Variants in MAGI3 observed in about 807,000 individuals in gnomAD.
The protein encoded by MAGI3 is membrane associated guanylate kinase, WW and PDZ domain containing 3.
In MAGI3, 43 loss-of-function variants were observed where a neutral mutation model predicts 121.8. The ratio of observed to expected loss-of-function variants is 0.35; its 90% confidence interval spans 0.28 to 0.46. The LOEUF (loss-of-function observed/expected upper bound fraction) is 0.46. MAGI3 is among the 20% of genes least tolerant of loss of function. The pLI, the probability that MAGI3 is intolerant of heterozygous loss-of-function variation, is 1.00. For synonymous variants in MAGI3, 553 were observed against 639.3 expected (o/e 0.86, Z 2.04); for missense variants, 1,547 against 1,797.3 (o/e 0.86, Z 2.52).
intron 1 of MAGI3, among the ~76,000 whole-genome samples, chr1:113,435,310 A>G (rs901315337): frequency 6.6e-6 from 1 of 152,092 alleles, no homozygotes; most frequent in Non-Finnish European, 1.5e-5. Flanking sequence ...TTTTTGACTG[A>G]CTTTTAAATG....
intron 1 of MAGI3, among the ~76,000 whole-genome samples, chr1:113,509,225 A>G (rs1448947811): frequency 6.6e-6 from 1 of 152,116 alleles, no homozygotes; most frequent in Non-Finnish European, 1.5e-5. Context: ...GTTTAAAAAA[A>G]CCCCACTAAC....
At chr1:113,434,580 C>G (rs1031078235) in intron 1 of MAGI3, among the ~76,000 whole-genome samples, 2 of 152,170 alleles carry the variant, frequency 1.3e-5, no homozygotes, top group African/African-American at 2.4e-5. Flanking sequence ...TACAGCTGCT[C>G]TCTTTATTGA....
chr1:113,432,062 A>G (rs1386819965), intron 1 of MAGI3, among the ~76,000 whole-genome samples: 2 of 152,214 alleles, frequency 1.3e-5, no homozygotes, highest in African/African-American at 4.8e-5. Context: ...AACTTAATGT[A>G]TGTCAGAGTG....
At chr1:113,527,249 G>A (rs965643254) in intron 1 of MAGI3, among the ~76,000 whole-genome samples, 6 of 151,990 alleles carry the variant, frequency 3.9e-5, no homozygotes, top group Non-Finnish European at 7.4e-5. Context: ...TGGCGGGGGC[G>A]GGCAGGGAGG....
chr1:113,683,697 A>G lies in MAGI3; in HGVS notation c.4129A>G (p.Lys1377Glu), dbSNP rs1648364181. ...PSKMTNKTTSKEVSENEKGKK... is the reference protein window; with the variant it reads ...PSKMTNKTTSEEVSENEKGKK... Reference sequence around the variant, plus strand: ...CAAAATGACTAATAAGACTACAAGTAAAGAAGTATCTGAAAATGAAAAAGG... The same window carrying G: ...CAAAATGACTAATAAGACTACAAGTGAAGAAGTATCTGAAAATGAAAAAGG... Residue 1377 changes from lysine (K) to glutamate (E), a missense_variant, in exon 21 of 21, where the codon AAA (lysine) becomes GAA (glutamate). Lys to Glu is a moderately conservative substitution (Grantham distance 56). Transcript: ENST00000307546. 2.5e-6 allele frequency: 4 copies of G among 1,601,276 alleles called. No individual in the cohort carries two copies. The highest frequency in any genetic ancestry group is 1.3e-5 in the African/African-American group (1 of 74,494).
At chr1:113,665,701 A>AAT (rs1463389616) in intron 16 of MAGI3, among the ~76,000 whole-genome samples, 2 of 152,114 alleles carry the variant, frequency 1.3e-5, no homozygotes, top group African/African-American at 4.8e-5. Flanking sequence ...TATGTCCTTT[A>AAT]ATAGAGTTTT....
chr1:113,534,121 A>G (rs1189601385), intron 1 of MAGI3, among the ~76,000 whole-genome samples: 2 of 152,060 alleles, frequency 1.3e-5, no homozygotes, highest in Admixed American at 1.3e-4. Flanking sequence ...TATTTCACCA[A>G]TACAATTTTC....
At chr1:113,591,513 AC>A (rs1195548244) in intron 5 of MAGI3, among the ~76,000 whole-genome samples, 1 of 152,106 alleles carries the variant, frequency 6.6e-6, no homozygotes, top group Non-Finnish European at 1.5e-5. Flanking sequence ...CCAATTCCGT[AC>A]CCTTCCAAAA....
At chr1:113,612,096 A>C (rs1437443347) in intron 6 of MAGI3, among the ~76,000 whole-genome samples, 2 of 152,070 alleles carry the variant, frequency 1.3e-5, no homozygotes, top group Admixed American at 1.3e-4. Context: ...GGCGTGCACC[A>C]CCACACCCAG....
intron 2 of MAGI3, among the ~76,000 whole-genome samples, chr1:113,557,580 G>A (rs1472906986): frequency 6.6e-6 from 1 of 152,176 alleles, no homozygotes. Flanking sequence ...TTTCTCCCTG[G>A]GACAGAGTGC....
chr1:113,416,618 G>A (rs1652466353), intron 1 of MAGI3, among the ~76,000 whole-genome samples: 1 of 149,476 alleles, frequency 6.7e-6, no homozygotes, highest in South Asian at 2.1e-4. Flanking sequence ...ACTGATGCCT[G>A]GGATGAGGAA....
intron 1 of MAGI3, among the ~76,000 whole-genome samples, chr1:113,456,880 CA>C (rs1458240981): frequency 2.1e-5 from 3 of 146,058 alleles, no homozygotes; most frequent in Non-Finnish European, 4.5e-5. Context: ...AAGTTCTAGA[CA>C]ATGCAATAAA....
intron 2 of MAGI3, among the ~76,000 whole-genome samples, chr1:113,557,248 G>A (rs1344323768): frequency 6.6e-6 from 1 of 152,136 alleles, no homozygotes; most frequent in East Asian, 1.9e-4. Context: ...TCCCAGTTGG[G>A]CCCTTCAGCC....
intron 1 of MAGI3, among the ~76,000 whole-genome samples, chr1:113,397,105 T>G (rs559601057): frequency 1.4e-4 from 21 of 152,318 alleles, no homozygotes; most frequent in African/African-American, 5.1e-4. Context: ...TGAGTCCAAA[T>G]GCCACTTTTC....
At chr1:113,679,373 G>A (rs1207596391) in intron 19 of MAGI3, among the ~76,000 whole-genome samples, 2 of 152,084 alleles carry the variant, frequency 1.3e-5, no homozygotes, top group East Asian at 1.9e-4. Context: ...CTGTTTCTGC[G>A]TTAGTTTGCT....
chr1:113,639,971 C>T (rs1158483078), intron 9 of MAGI3, among the ~76,000 whole-genome samples: 3 of 152,330 alleles, frequency 2.0e-5, no homozygotes, highest in East Asian at 1.9e-4. Flanking sequence ...TGAGCCGCTG[C>T]GCCTGGCCTG....
intron 2 of MAGI3, among the ~76,000 whole-genome samples, chr1:113,559,515 T>C (rs1660134764): frequency 6.6e-6 from 1 of 152,138 alleles, no homozygotes; most frequent in Admixed American, 6.5e-5. Context: ...AAGAGCCAAC[T>C]ACCCTAAATA....
At chr1:113,419,029 G>T (rs1024874175) in intron 1 of MAGI3, among the ~76,000 whole-genome samples, 1 of 152,000 alleles carries the variant, frequency 6.6e-6, no homozygotes, top group Non-Finnish European at 1.5e-5. Context: ...TAAATATTTT[G>T]TAAAAACATT....
intron 1 of MAGI3, among the ~76,000 whole-genome samples, chr1:113,429,320 A>T (rs1388231878): frequency 6.6e-6 from 1 of 152,354 alleles, no homozygotes; most frequent in South Asian, 2.1e-4. Context: ...GGCATTTTGA[A>T]CAAAGAATTG....
Sources: allele counts gnomAD v4.1 joint callset (sites outside exome capture counted in the v4.1 genomes callset), GRCh38; gene constraint gnomAD v4.1.1; transcripts MANE v1.5; gene names NCBI Gene and HGNC (gene_info 2026-07-23, HGNC 2026-07-21).